The following ELOVL7 variants were observed in gnomAD, a reference collection of about 807,000 sequenced individuals.
ELOVL7 encodes the protein very long chain fatty acid elongase 7.
In ELOVL7, 27 loss-of-function variants were observed where a neutral mutation model predicts 35.7. That is an observed-to-expected ratio of 0.76 (90% CI 0.56 to 1.04). ELOVL7 has a LOEUF of 1.04. ELOVL7 is among the 50% of genes least tolerant of loss of function. The pLI is 0.00. For missense variants in ELOVL7, 327 were observed against 340.8 expected (o/e 0.96, Z 0.32); for synonymous variants, 113 against 114.6 (o/e 0.99, Z 0.09).
At chr5:60,804,488 G>A (rs922476050) in intron 1 of ELOVL7, among the ~76,000 whole-genome samples, 1 of 152,216 alleles carries the variant, frequency 6.6e-6, no homozygotes, top group East Asian at 1.9e-4. Flanking sequence ...CATGTGCAAA[G>A]AGTCTAGACT....
intron 1 of ELOVL7, among the ~76,000 whole-genome samples, chr5:60,815,191 T>C (rs1421992442): frequency 6.6e-6 from 1 of 152,226 alleles, no homozygotes; most frequent in Non-Finnish European, 1.5e-5. Flanking sequence ...AAGGAATTTG[T>C]AGCATGTTTT....
At chr5:60,768,539 C>T (rs1418826554) in intron 4 of ELOVL7, 4 of 310,132 alleles carry the variant, frequency 1.3e-5, no homozygotes, top group Non-Finnish European at 2.6e-5. Context: ...TCTGGCAGGC[C>T]TTAATTCCAA....
At chr5:60,807,452 G>A (rs1579887546) in intron 1 of ELOVL7, among the ~76,000 whole-genome samples, 1 of 151,454 alleles carries the variant, frequency 6.6e-6, no homozygotes, top group East Asian at 1.9e-4. Flanking sequence ...AACACTGAGG[G>A]AAAGAGACAG....
chr5:60,754,005 A>T lies in ELOVL7; in HGVS notation c.*619T>A, dbSNP rs1741387484. The T allele has an allele frequency of 6.6e-6, 1 of 152,384 alleles. No homozygotes were observed. The highest frequency in any genetic ancestry group is 1.5e-5 in the Non-Finnish European group (1 of 68,158). The allele number at this position is 152,384 out of a possible 1,614,324, so 9.4% of individuals were successfully genotyped here. A position where few individuals can be genotyped will look rare whatever the true frequency, so the allele number is the denominator to read the frequency against. ...TTTGTACAACAAATGGGTTGTGAGG[A>T]AGTCTTATCAGCAAAACTGGTGATG... On this transcript the variant is annotated 3_prime_UTR_variant, in exon 9 of 9. Transcript: ENST00000508821.
chr5:60,780,126 T>C (rs1340953171), intron 3 of ELOVL7, among the ~76,000 whole-genome samples: 4 of 150,750 alleles, frequency 2.7e-5, no homozygotes, highest in African/African-American at 9.8e-5. Flanking sequence ...TTTTTTTTTT[T>C]TTTTTTTTTT....
intron 3 of ELOVL7, among the ~76,000 whole-genome samples, chr5:60,780,073 CAA>C (rs886553735): frequency 6.8e-6 from 1 of 148,046 alleles, no homozygotes; most frequent in African/African-American, 2.5e-5. Flanking sequence ...GCATTGTGGT[CAA>C]AGTTATTCAA....
At chr5:60,820,445 G>C (rs1003443079) in intron 1 of ELOVL7, among the ~76,000 whole-genome samples, 2 of 152,106 alleles carry the variant, frequency 1.3e-5, no homozygotes, top group Admixed American at 6.5e-5. Context: ...ACTATCTTTC[G>C]GTTTAGTTTA....
intron 1 of ELOVL7, among the ~76,000 whole-genome samples, chr5:60,826,460 T>C (rs1746177215): frequency 6.6e-6 from 1 of 152,170 alleles, no homozygotes; most frequent in Non-Finnish European, 1.5e-5. Flanking sequence ...ACTATTAAGA[T>C]AACAGTATCA....
chr5:60,792,321 A>G (rs6872863), intron 2 of ELOVL7, among the ~76,000 whole-genome samples: 87,433 of 151,872 alleles, frequency 0.58, 25,878 homozygotes, highest in East Asian at 0.89. Flanking sequence ...CAGGGATGGG[A>G]CACAACAGAA....
intron 8 of ELOVL7, 69 bp downstream of exon 8, chr5:60,757,440 C>G (rs1741609014): frequency 5.4e-6 from 8 of 1,492,956 alleles, no homozygotes; most frequent in Non-Finnish European, 7.3e-6. Flanking sequence ...AACCAGTATC[C>G]TAATTCACAG....
chr5:60,840,439 T>C (rs1249236394), intron 1 of ELOVL7, among the ~76,000 whole-genome samples: 5 of 152,164 alleles, frequency 3.3e-5, no homozygotes, highest in African/African-American at 9.7e-5. Flanking sequence ...CACCAGAACC[T>C]AGGAGAAGCA....
chr5:60,837,320 GGGGAGTGGGGGGT>G (rs1382487603), intron 1 of ELOVL7, among the ~76,000 whole-genome samples: 10 of 124,512 alleles, frequency 8.0e-5, no homozygotes, highest in Non-Finnish European at 1.2e-4. Flanking sequence ...GGGGGTGGGG[GGGGAGTGGGGGGT>G]GGGGGTGGCG....
intron 3 of ELOVL7, among the ~76,000 whole-genome samples, chr5:60,777,249 A>G (rs1742962438): frequency 6.6e-6 from 1 of 152,036 alleles, no homozygotes. Context: ...GATTATTTGT[A>G]ACCCAAAGGA....
intron 7 of ELOVL7, among the ~76,000 whole-genome samples, chr5:60,759,880 T>G (rs1457045854): frequency 6.6e-6 from 1 of 151,828 alleles, no homozygotes; most frequent in East Asian, 1.9e-4. Flanking sequence ...TGAGTGAGAA[T>G]ATGAGGTGTT....
At chr5:60,789,296 C>A (rs1743783419) in intron 2 of ELOVL7, among the ~76,000 whole-genome samples, 1 of 152,082 alleles carries the variant, frequency 6.6e-6, no homozygotes, top group Non-Finnish European at 1.5e-5. Context: ...GACCTTAAGT[C>A]AATAGGAAAT....
At chr5:60,814,090 C>T (rs949014951) in intron 1 of ELOVL7, among the ~76,000 whole-genome samples, 4 of 152,130 alleles carry the variant, frequency 2.6e-5, no homozygotes, top group African/African-American at 7.2e-5. Context: ...TGACAAAGGT[C>T]GGAAAGACTT....
chr5:60,802,178 G>T (rs1278839847), intron 1 of ELOVL7, among the ~76,000 whole-genome samples: 1 of 147,662 alleles, frequency 6.8e-6, no homozygotes, highest in Non-Finnish European at 1.5e-5. Context: ...CTCTAATACA[G>T]ACTTGTGAGT....
chr5:60,780,121 T>C (rs1743149623), intron 3 of ELOVL7, among the ~76,000 whole-genome samples: 1 of 150,228 alleles, frequency 6.7e-6, no homozygotes, highest in Non-Finnish European at 1.5e-5. Context: ...TCCCTTTTTT[T>C]TTTTTTTTTT....
intron 8 of ELOVL7, 142 bp from the exon 9 acceptor site, chr5:60,754,975 A>G (rs974137641): frequency 5.8e-6 from 4 of 689,006 alleles, no homozygotes; most frequent in Non-Finnish European, 9.7e-6. Flanking sequence ...CCTCCCTGAG[A>G]GTGATAATGG....
Sources: allele counts gnomAD v4.1 joint callset (sites outside exome capture counted in the v4.1 genomes callset), GRCh38; gene constraint gnomAD v4.1.1; transcripts MANE v1.5; gene names NCBI Gene and HGNC (gene_info 2026-07-23, HGNC 2026-07-21).